GNA14: variants seen among roughly 807,000 people sequenced by gnomAD.
GNA14 encodes guanine nucleotide-binding protein subunit alpha-14.
Under a neutral mutation model 42.0 loss-of-function variants are expected in GNA14, and 50 were observed. That is an observed-to-expected ratio of 1.19 (90% CI 0.95 to 1.51). The LOEUF (loss-of-function observed/expected upper bound fraction) is 1.51, where lower values mean the gene tolerates loss of function less well. Ranked by LOEUF, GNA14 falls within the 40% of genes most tolerant of loss-of-function variation. The probability of loss-of-function intolerance (pLI) is 0.00; values close to 1 mark genes in which losing one functional copy is unlikely to be tolerated. For missense variants in GNA14, 473 were observed against 446.2 expected, an observed-to-expected ratio of 1.06 and a Z score of -0.54; for synonymous variants, 173 against 163.1, an observed-to-expected ratio of 1.06 and a Z score of -0.46.
At position 77,625,818 on chromosome 9, in the gene GNA14, C is replaced by T. The variant is rs1824005130; in HGVS notation, c.124+21852G>A. On this transcript the variant is annotated intron_variant, in intron 1 of 6. Coordinates refer to ENST00000341700, the MANE Select transcript of GNA14 (RefSeq NM_004297.4). ...AAAGAATAACGACACTATTAAGAAA[C>T]TGAATCAACTAATGTGCAAAATAAC... is the stretch of plus-strand genomic sequence containing the variant. Among the ~76,000 whole-genome samples the T allele has an allele frequency of 2.0e-5, 3 of 152,110 alleles. No homozygotes were observed. In the South Asian group the frequency reaches 6.2e-4, roughly 32 times the overall value.
rs183820062 is a variant in GNA14 at position 77,458,807 on chromosome 9, G to A, written c.310-24285C>T. On this transcript the variant is annotated intron_variant, in intron 2 of 6. Coordinates refer to ENST00000341700, the MANE Select transcript of GNA14 (RefSeq NM_004297.4). ...CCCGAGGGGACACAGCAGAAATCAG[G>A]GCCCATTTATTCCTGAACAGTATCT... Among the ~76,000 whole-genome samples the A allele has an allele frequency of 3.3e-5, 5 of 150,916 alleles. 1 individual carries two copies. The East Asian group carries it at 9.9e-4, about 30-fold the overall frequency.
chr9:77,519,445 C>T (rs1264779362), intron 2 of GNA14, among the ~76,000 whole-genome samples: 1 of 151,974 alleles, frequency 6.6e-6, no homozygotes, highest in African/African-American at 2.4e-5. Context: ...AAAACCAAAG[C>T]CAAAAACCTT....
chr9:77,475,874 T>C lies in GNA14; in HGVS notation c.310-41352A>G, dbSNP rs1836410872. ...ATGCTGTGGGTTGGGGTGTTGGGGT[T>C]CTGGGGTACCCAAAGATAGAGGGAT... On this transcript the variant is annotated intron_variant, in intron 2 of 6. Transcript: ENST00000341700. 2.0e-5 allele frequency among the ~76,000 whole-genome samples: 3 copies of C among 152,166 alleles called. No homozygotes were observed. In the South Asian group the frequency reaches 6.2e-4, roughly 32 times the overall value.
chr9:77,617,439 C>A (rs1370282669), intron 1 of GNA14, among the ~76,000 whole-genome samples: 1 of 152,082 alleles, frequency 6.6e-6, no homozygotes, highest in Non-Finnish European at 1.5e-5. Context: ...ACTCTACCTT[C>A]AGAACGTATA....
intron 1 of GNA14, among the ~76,000 whole-genome samples, chr9:77,578,914 G>A (rs62574861): frequency 0.034 from 5,106 of 152,222 alleles, 197 homozygotes; most frequent in African/African-American, 0.096. Context: ...CACTTGATGG[G>A]CATCCAAAAC....
chr9:77,602,513 G>A (rs1468612765), intron 1 of GNA14, among the ~76,000 whole-genome samples: 2 of 141,786 alleles, frequency 1.4e-5, no homozygotes, highest in Admixed American at 7.0e-5. Context: ...TAGCCCTCCC[G>A]ACCCACCCCT....
chr9:77,438,399 C>G (rs886781312), intron 2 of GNA14, among the ~76,000 whole-genome samples: 3 of 152,052 alleles, frequency 2.0e-5, no homozygotes, highest in African/African-American at 7.2e-5. Flanking sequence ...TCCCGAGTAG[C>G]TGGGATTACA....
At chr9:77,595,281 ACT>A (rs1181249322) in intron 1 of GNA14, among the ~76,000 whole-genome samples, 2 of 152,166 alleles carry the variant, frequency 1.3e-5, no homozygotes, top group African/African-American at 4.8e-5. Flanking sequence ...AATTGAGGAG[ACT>A]AGGTGGATAA....
chr9:77,634,389 G>T, intron 1 of GNA14, among the ~76,000 whole-genome samples: 1 of 143,708 alleles, frequency 7.0e-6, no homozygotes, highest in East Asian at 2.1e-4. Flanking sequence ...TCCAGCCTAG[G>T]CAACAGAGTG....
intron 2 of GNA14, among the ~76,000 whole-genome samples, chr9:77,525,889 A>C (rs2131765363): frequency 7.3e-6 from 1 of 137,226 alleles, no homozygotes; most frequent in Non-Finnish European, 1.5e-5. Flanking sequence ...AATTTAGACA[A>C]TGAGATTTGG....
At chr9:77,426,327 T>C (rs147236925) in intron 5 of GNA14, among the ~76,000 whole-genome samples, 1 of 151,848 alleles carries the variant, frequency 6.6e-6, no homozygotes, top group South Asian at 2.1e-4. Flanking sequence ...CTTTCTGAGA[T>C]GGAGTCTCGC....
intron 1 of GNA14, among the ~76,000 whole-genome samples, chr9:77,622,504 C>T (rs964757929): frequency 6.6e-6 from 1 of 151,994 alleles, no homozygotes; most frequent in African/African-American, 2.4e-5. Flanking sequence ...CAGGGTGGCT[C>T]ATGCTTGTAA....
chr9:77,439,133 T>C (rs1482631865), intron 2 of GNA14, among the ~76,000 whole-genome samples: 2 of 152,104 alleles, frequency 1.3e-5, no homozygotes, highest in African/African-American at 4.8e-5. Context: ...CCAGCAAGGG[T>C]CTGTTCTTTA....
chr9:77,445,079 G>A (rs990518584), intron 2 of GNA14, among the ~76,000 whole-genome samples: 1 of 152,214 alleles, frequency 6.6e-6, no homozygotes, highest in African/African-American at 2.4e-5. Flanking sequence ...GAGGAGTGAA[G>A]GGATGAGCCA....
At chr9:77,445,570 A>AG (rs1554687649) in intron 2 of GNA14, among the ~76,000 whole-genome samples, 6 of 151,160 alleles carry the variant, frequency 4.0e-5, no homozygotes, top group Admixed American at 6.6e-5. Flanking sequence ...AAAAAAAAAA[A>AG]AAAGAAAGGA....
intron 1 of GNA14, among the ~76,000 whole-genome samples, chr9:77,645,798 C>A (rs1824342104): frequency 6.6e-6 from 1 of 152,184 alleles, no homozygotes; most frequent in African/African-American, 2.4e-5. Context: ...TTGTCAAGCT[C>A]CTGGTATATT....
At chr9:77,534,109 C>T (rs1034685648) in intron 1 of GNA14, among the ~76,000 whole-genome samples, 13 of 152,178 alleles carry the variant, frequency 8.5e-5, no homozygotes, top group African/African-American at 1.2e-4. Context: ...TTATTTGCCA[C>T]GATCAAACTA....
intron 1 of GNA14, among the ~76,000 whole-genome samples, chr9:77,617,834 C>T (rs1823848122): frequency 6.6e-6 from 1 of 152,052 alleles, no homozygotes; most frequent in Non-Finnish European, 1.5e-5. Context: ...ACATTGTTCC[C>T]TGGGTCTTCA....
In GNA14 at chr9:77,512,735, T is replaced by A. The variant is rs147973930; in HGVS notation, c.309+16334A>T. Reference sequence around the variant, plus strand: ...CTTTTTATATCAATAAACATAGCTTTACCTCGTTCTTTTTAAAAATTTAAG... The same window carrying A: ...CTTTTTATATCAATAAACATAGCTTAACCTCGTTCTTTTTAAAAATTTAAG... On this transcript the variant is annotated intron_variant, in intron 2 of 6. Transcript: ENST00000341700. Among the ~76,000 whole-genome samples the A allele has an allele frequency of 4.7e-3, 720 of 152,318 alleles. 6 individuals are homozygous for A. Among genetic ancestry groups the A allele is most frequent in the African/African-American group, 0.017 (698 of 41,568 alleles).
Sources: allele counts gnomAD v4.1 joint callset (sites outside exome capture counted in the v4.1 genomes callset), GRCh38; gene constraint gnomAD v4.1.1; transcripts MANE v1.5; gene names NCBI Gene and HGNC (gene_info 2026-07-23, HGNC 2026-07-21).